The following CCNH variants were observed in gnomAD, a reference collection of about 807,000 sequenced individuals.
CCNH encodes cyclin-H.
A neutral mutation model predicts 41.9 loss-of-function variants in CCNH; 31 were observed. That is an observed-to-expected ratio of 0.74 (90% CI 0.56 to 1.00). CCNH has a LOEUF of 1.00. CCNH is among the 50% of genes least tolerant of loss of function. The pLI is 0.00. For missense variants in CCNH, 362 were observed against 388.4 expected, an observed-to-expected ratio of 0.93 and a Z score of 0.57; for synonymous variants, 138 against 136.1, an observed-to-expected ratio of 1.01 and a Z score of -0.10.
At chr5:87,358,790 T>TG in intron 9 of CCNH, among the ~76,000 whole-genome samples, 1 of 152,240 alleles carries the variant, frequency 6.6e-6, no homozygotes, top group Non-Finnish European at 1.5e-5. Context: ...CACTCATACT[T>TG]GCTTCTGTAT....
intron 9 of CCNH, among the ~76,000 whole-genome samples, chr5:87,369,320 C>CTAGA (rs1760756465): frequency 6.6e-6 from 1 of 152,100 alleles, no homozygotes; most frequent in South Asian, 2.1e-4. Flanking sequence ...CACTTAAACT[C>CTAGA]TAGAACAAGC....
downstream of CCNH, chr5:87,391,163 T>TATAA (rs1762487223): frequency 5.5e-6 from 3 of 549,948 alleles, no homozygotes; most frequent in Non-Finnish European, 9.8e-6. Context: ...AACGAAATGC[T>TATAA]ATGACTGTAT....
At chr5:87,384,190 G>A (rs995224101) in intron 9 of CCNH, among the ~76,000 whole-genome samples, 1 of 152,112 alleles carries the variant, frequency 6.6e-6, no homozygotes, top group African/African-American at 2.4e-5. Context: ...ATAGTATTCT[G>A]TGAGTACTTA....
downstream of CCNH, among the ~76,000 whole-genome samples, chr5:87,315,632 T>C (rs143050678): frequency 7.0e-4 from 107 of 152,312 alleles, 3 homozygotes; most frequent in East Asian, 0.017. Context: ...AGAGTAAATA[T>C]AGAATACTAT....
intron 9 of CCNH, among the ~76,000 whole-genome samples, chr5:87,357,806 CTT>C (rs1759765504): frequency 6.6e-6 from 1 of 152,144 alleles, no homozygotes; most frequent in South Asian, 2.1e-4. Context: ...GTGCCTTGCT[CTT>C]GTGTTAGTTT....
chr5:87,362,011 A>G (rs568365156), intron 9 of CCNH, among the ~76,000 whole-genome samples: 1 of 152,250 alleles, frequency 6.6e-6, no homozygotes, highest in South Asian at 2.1e-4. Flanking sequence ...CCAGCTGTGG[A>G]TGGATGGGTG....
At chr5:87,378,849 T>G (rs1235002078), upstream of CCNH, among the ~76,000 whole-genome samples, 1 of 152,176 alleles carries the variant, frequency 6.6e-6, no homozygotes, top group Non-Finnish European at 1.5e-5. Flanking sequence ...AAATTGAAGG[T>G]TTTGTTAGTG....
upstream of CCNH, among the ~76,000 whole-genome samples, chr5:87,381,117 A>G (rs943452254): frequency 6.6e-6 from 1 of 152,104 alleles, no homozygotes; most frequent in African/African-American, 2.4e-5. Flanking sequence ...CTTCATTATC[A>G]TTATTCTATA....
At chr5:87,311,512 C>T in the CCNH span, among the ~76,000 whole-genome samples, 4 of 152,152 alleles carry the variant, frequency 2.6e-5, no homozygotes, top group Non-Finnish European at 5.9e-5. Flanking sequence ...CAAAAGGCTA[C>T]AGTTTAAAAT....
At chr5:87,336,284 T>C (rs935096617) in intron 9 of CCNH, among the ~76,000 whole-genome samples, 1 of 152,072 alleles carries the variant, frequency 6.6e-6, no homozygotes, top group African/African-American at 2.4e-5. Flanking sequence ...AATTTGAATA[T>C]GGTAAATATC....
At chr5:87,388,548 C>T (rs77982117), downstream of CCNH, among the ~76,000 whole-genome samples, 318 of 152,198 alleles carry the variant, frequency 2.1e-3, 1 homozygote, top group Admixed American at 2.4e-3. Flanking sequence ...TTCCAAAATC[C>T]GAAACACTTC....
At chr5:87,358,594 C>T (rs1759836106) in intron 9 of CCNH, among the ~76,000 whole-genome samples, 1 of 152,332 alleles carries the variant, frequency 6.6e-6, no homozygotes, top group South Asian at 2.1e-4. Context: ...GCATGCTGCG[C>T]AGCAGTCACT....
At chr5:87,369,007 C>T (rs1580369143) in intron 9 of CCNH, among the ~76,000 whole-genome samples, 1 of 152,232 alleles carries the variant, frequency 6.6e-6, no homozygotes, top group African/African-American at 2.4e-5. Context: ...AAGACATTCT[C>T]AAAGCATGAA....
the CCNH span, among the ~76,000 whole-genome samples, chr5:87,312,695 T>A: frequency 1.3e-5 from 2 of 152,210 alleles, no homozygotes; most frequent in Non-Finnish European, 2.9e-5. Context: ...ACTGGGGATG[T>A]GAATGCTACC....
chr5:87,315,680 G>A (rs1756274102), downstream of CCNH, among the ~76,000 whole-genome samples: 1 of 152,078 alleles, frequency 6.6e-6, no homozygotes, highest in South Asian at 2.1e-4. Context: ...TATGGGAGAG[G>A]GTTGAACAAC....
At chr5:87,395,012 A>T (rs762609823) in intron 8 of CCNH, 32 bp downstream of exon 8, 3 of 1,611,270 alleles carry the variant, frequency 1.9e-6, no homozygotes, top group Non-Finnish European at 2.5e-6. Flanking sequence ...TAACAAAAAT[A>T]ACTTAGAGTT....
chr5:87,313,418 G>T (rs566620193), downstream of CCNH, among the ~76,000 whole-genome samples: 26 of 152,250 alleles, frequency 1.7e-4, no homozygotes, highest in African/African-American at 6.3e-4. Context: ...GAAATAGCTT[G>T]AATGGGAGAG....
At chr5:87,378,779 T>G (rs2112496420), upstream of CCNH, among the ~76,000 whole-genome samples, 1 of 152,292 alleles carries the variant, frequency 6.6e-6, no homozygotes, top group African/African-American at 2.4e-5. Context: ...GAAAATACTT[T>G]GTCATTTCCT....
Position 87,364,206 on chromosome 5 carries a change from G to A in CCNH, c.*90+28564C>T, listed in dbSNP as rs574152513. 2.0e-5 allele frequency among the ~76,000 whole-genome samples: 3 copies of A among 152,194 alleles called. No individual in the cohort carries two copies. In the South Asian group the frequency reaches 6.2e-4, roughly 31 times the overall value. ...TGTTTCAACAGCTTGTTTTTCTGCC[G>A]CAGGATGGCATTTCTGTGAGGCAAA... On this transcript the variant is annotated intron_variant and NMD_transcript_variant, in intron 9 of 9. Transcript: ENST00000645953.
Sources: gnomAD v4.1 joint callset for allele counts (sites outside exome capture counted in the v4.1 genomes callset) on GRCh38, gnomAD v4.1.1 for gene constraint, MANE v1.5 for transcripts, NCBI Gene and HGNC (gene_info 2026-07-23, HGNC 2026-07-21) for gene names.